The following HSD17B4 variants were observed in gnomAD, a reference collection of about 807,000 sequenced individuals.
HSD17B4 encodes the protein hydroxysteroid 17-beta dehydrogenase 4.
A neutral mutation model predicts 101.0 loss-of-function variants in HSD17B4; 70 were observed. The ratio of observed to expected loss-of-function variants is 0.69; its 90% CI spans 0.57 to 0.85. The LOEUF (loss-of-function observed/expected upper bound fraction) is 0.85, where lower values mean the gene tolerates loss of function less well. HSD17B4 is among the 40% of genes least tolerant of loss of function. HSD17B4 has a pLI of 0.00. For missense variants in HSD17B4, 984 were observed against 892.4 expected, an observed-to-expected ratio of 1.10 and a Z score of -1.31; for synonymous variants, 347 against 297.1, an observed-to-expected ratio of 1.17 and a Z score of -1.73.
At position 119,509,234 on chromosome 5, in the gene HSD17B4, A is replaced by G. The variant is rs748703722; in HGVS notation, c.1427A>G (p.Asp476Gly). The G allele has an allele frequency of 1.8e-5, 29 of 1,594,090 alleles. No homozygotes were observed. The highest frequency in any genetic ancestry group is 2.4e-5 in the Non-Finnish European group (28 of 1,161,830). ...GGCTTTGGTGGAAAACGGACATCAG[A>G]CAAAGTCAAGGTAAGCCATGACTTT... ...SGGFGGKRTS[D>G]KVKVAVAIPN... Residue 476 changes from aspartate to glycine, a missense_variant, in exon 16 of 24, where the codon GAC becomes GGC. Asp to Gly is a moderately conservative substitution (Grantham distance 94). Coordinates refer to ENST00000510025, the MANE Select transcript of HSD17B4 (RefSeq NM_000414.4).
At chr5:119,471,129 A>C (rs1756323879) in intron 2 of HSD17B4, among the ~76,000 whole-genome samples, 1 of 152,210 alleles carries the variant, frequency 6.6e-6, no homozygotes, top group South Asian at 2.1e-4. Context: ...GTGCTTAAAA[A>C]GGGTCATAAA....
chr5:119,484,631 A>G (rs577112967), intron 8 of HSD17B4, among the ~76,000 whole-genome samples: 1 of 152,328 alleles, frequency 6.6e-6, no homozygotes, highest in East Asian at 1.9e-4. Flanking sequence ...AAGGTACAAA[A>G]TAATTGATGA....
Position 119,496,663 on chromosome 5 carries a change from C to G in HSD17B4, c.972+17C>G. On this transcript the variant is annotated intron_variant, in intron 12 of 23. Transcript: ENST00000510025. ...TCAGGATTTGTAAGTGGGAAAAAAG[C>G]CTAAAGCGTTTGCCTTCTCTGGAGA... 7.1e-7 allele frequency: 1 copy of G among 1,405,920 alleles called. No homozygotes were observed. The highest frequency in any genetic ancestry group is 2.3e-5 in the East Asian group (1 of 43,916). 87.1% of individuals were successfully genotyped at this position (1,405,920 alleles called of 1,614,324 possible).
In HSD17B4 at chr5:119,525,770, A is replaced by G. The variant is rs574762092; in HGVS notation, c.1574-147A>G. The G allele has an allele frequency of 2.4e-4, 140 of 586,516 alleles. No individual in the cohort carries two copies. In the South Asian group the frequency reaches 2.9e-3, roughly 12 times the overall value. The allele number at this position is 586,516 out of a possible 1,614,324, so 36.3% of individuals were successfully genotyped here. A position where few individuals can be genotyped will look rare whatever the true frequency, so the allele number is the denominator to read the frequency against. ...AATTTCCTCCCAGGAAATACTCTTT[A>G]AAAAATATCTACTGTGTTTCTTAAA... On this transcript the variant is annotated intron_variant, in intron 18 of 23. Coordinates refer to ENST00000510025, the MANE Select transcript of HSD17B4 (RefSeq NM_000414.4).
At position 119,496,458 on chromosome 5, in the gene HSD17B4, G is replaced by C. The variant is rs1439307211; in HGVS notation, c.869-85G>C. ...GTAGCAGGTTTGCTGAATGTTATAGGAATAATTATGTAGCATATTGTAGCT... is the reference window on the plus strand; with the variant it reads ...GTAGCAGGTTTGCTGAATGTTATAGCAATAATTATGTAGCATATTGTAGCT... On this transcript the variant is annotated intron_variant, in intron 11 of 23. Coordinates refer to ENST00000510025, the MANE Select transcript of HSD17B4 (RefSeq NM_000414.4). 3 of 801,994 alleles carry C rather than the reference G, an allele frequency of 3.7e-6. No homozygotes were observed. The African/African-American group carries it at 5.1e-5, about 14-fold the overall frequency. 49.7% of individuals were successfully genotyped at this position (801,994 alleles called of 1,614,324 possible). A position where few individuals can be genotyped will look rare whatever the true frequency, so the allele number is the denominator to read the frequency against.
intron 2 of HSD17B4, among the ~76,000 whole-genome samples, chr5:119,472,908 A>C (rs937056431): frequency 1.3e-5 from 2 of 152,220 alleles, no homozygotes; most frequent in Admixed American, 1.3e-4. Flanking sequence ...TATTTCGTTT[A>C]ACATAGTGTC....
chr5:119,480,394 G>A (rs899391453), intron 8 of HSD17B4, among the ~76,000 whole-genome samples: 26 of 152,144 alleles, frequency 1.7e-4, no homozygotes, highest in African/African-American at 5.8e-4. Context: ...TTTTAAAGCT[G>A]GGTGTCCAGG....
At chr5:119,502,962 AT>A (rs2126793092) in intron 14 of HSD17B4, among the ~76,000 whole-genome samples, 1 of 152,162 alleles carries the variant, frequency 6.6e-6, no homozygotes, top group East Asian at 1.9e-4. Flanking sequence ...AAGGCACAGT[AT>A]TAGGTAGTAG....
At chr5:119,508,562 T>G (rs1476650770) in intron 15 of HSD17B4, among the ~76,000 whole-genome samples, 1 of 152,240 alleles carries the variant, frequency 6.6e-6, no homozygotes, top group African/African-American at 2.4e-5. Context: ...TATTCATTAC[T>G]TGCTCACTTA....
intron 10 of HSD17B4, 140 bp from the exon 11 acceptor site, chr5:119,493,678 C>G (rs1750320912): frequency 1.3e-6 from 1 of 755,194 alleles, no homozygotes. Context: ...CATTTTAAGG[C>G]TTATGGTAAA....
At chr5:119,496,813 T>C (rs1359842728) in intron 12 of HSD17B4, among the ~76,000 whole-genome samples, 167 bp downstream of exon 12, 1 of 152,178 alleles carries the variant, frequency 6.6e-6, no homozygotes, top group Non-Finnish European at 1.5e-5. Flanking sequence ...TAATTTAAAA[T>C]AGAGGATTTA....
intron 12 of HSD17B4, 41 bp from the exon 13 acceptor site, chr5:119,499,276 A>ACT (rs1390537946): frequency 7.2e-7 from 1 of 1,382,230 alleles, no homozygotes. Flanking sequence ...AGTTTTGAAA[A>ACT]GTTATCAATG....
At chr5:119,502,196 A>G (rs1462203299) in intron 14 of HSD17B4, 104 bp downstream of exon 14, 1 of 779,374 alleles carries the variant, frequency 1.3e-6, no homozygotes, top group Non-Finnish European at 2.3e-6. Context: ...ACCTAATGAA[A>G]CATATCACAA....
chr5:119,462,024 A>G (rs1007744510), intron 2 of HSD17B4, among the ~76,000 whole-genome samples: 1 of 152,174 alleles, frequency 6.6e-6, no homozygotes, highest in Non-Finnish European at 1.5e-5. Context: ...AATGACAGAA[A>G]CAAGGAAAAG....
At chr5:119,518,342 A>G (rs9327102) in intron 17 of HSD17B4, among the ~76,000 whole-genome samples, 11,879 of 152,038 alleles carry the variant, frequency 0.078, 1,161 homozygotes, top group East Asian at 0.42. Flanking sequence ...AAGAAACTCC[A>G]AACATCAGAA....
chr5:119,461,124 A>G (rs12658566), intron 2 of HSD17B4, among the ~76,000 whole-genome samples: 9,051 of 152,292 alleles, frequency 0.059, 777 homozygotes, highest in East Asian at 0.42. Context: ...AGCAATGTAC[A>G]TAATAGTCAT....
chr5:119,502,125 A>C (rs779979707), intron 14 of HSD17B4, 33 bp downstream of exon 14: 1 of 1,348,260 alleles, frequency 7.4e-7, no homozygotes, highest in Non-Finnish European at 1.1e-6. Flanking sequence ...CCATAATACC[A>C]TACTTTTATT....
At chr5:119,532,020 A>T (rs1236715207) in intron 22 of HSD17B4, among the ~76,000 whole-genome samples, 1 of 152,170 alleles carries the variant, frequency 6.6e-6, no homozygotes, top group Non-Finnish European at 1.5e-5. Flanking sequence ...AGACCCTGGT[A>T]CCATTTTGTG....
intron 4 of HSD17B4, 42 bp downstream of exon 4, chr5:119,474,502 A>G: frequency 2.6e-6 from 3 of 1,152,746 alleles, no homozygotes; most frequent in Non-Finnish European, 4.0e-6. Context: ...AGCAACTTCT[A>G]CCTTCCTAAT....
Sources: gnomAD v4.1 joint callset for allele counts (sites outside exome capture counted in the v4.1 genomes callset) on GRCh38, gnomAD v4.1.1 for gene constraint, MANE v1.5 for transcripts, NCBI Gene and HGNC (gene_info 2026-07-23, HGNC 2026-07-21) for gene names.